The following ACAD11 variants were observed in gnomAD, a reference collection of about 807,000 sequenced individuals.
ACAD11 encodes the protein acyl-CoA dehydrogenase family member 11.
Under a neutral mutation model 102.2 loss-of-function variants are expected in ACAD11, and 83 were observed. The observed-to-expected ratio is 0.81, with a 90% confidence interval of 0.68 to 0.97. The LOEUF is 0.97. Among genes scored for constraint, ACAD11 ranks in the 50% least tolerant of loss-of-function variants. The pLI is 0.00. For synonymous variants in ACAD11, 324 were observed against 319.8 expected (o/e 1.01, Z -0.14); for missense variants, 901 against 951.7 (o/e 0.95, Z 0.70).
intron 9 of ACAD11, among the ~76,000 whole-genome samples, chr3:132,623,132 A>G (rs1299513062): frequency 1.3e-5 from 2 of 152,210 alleles, no homozygotes; most frequent in African/African-American, 4.8e-5. Context: ...ACTTTATAAT[A>G]TTCAAGGAGT....
chr3:132,581,842 C>G (rs889888335), intron 13 of ACAD11, among the ~76,000 whole-genome samples: 1 of 151,972 alleles, frequency 6.6e-6, no homozygotes, highest in African/African-American at 2.4e-5. Context: ...ACTACTTAGG[C>G]CAGCATCAAA....
intron 5 of ACAD11, among the ~76,000 whole-genome samples, chr3:132,633,027 C>A (rs1413989140): frequency 1.3e-5 from 2 of 152,180 alleles, no homozygotes; most frequent in African/African-American, 2.4e-5. Context: ...CAAACAGGGA[C>A]AATTTGACTT....
intron 1 of ACAD11, chr3:132,659,339 A>G: frequency 2.1e-6 from 1 of 474,358 alleles, no homozygotes; most frequent in Non-Finnish European, 3.7e-6. Context: ...TCCTCAAGGG[A>G]CATAAATCCA....
rs1189643660 is a variant in ACAD11, at chr3:132,603,321, T to A, written c.1529A>T (p.Asp510Val). The A allele has an allele frequency of 1.9e-6, 3 of 1,613,640 alleles. No homozygotes were observed. Among genetic ancestry groups the A allele is most frequent in the Non-Finnish European group, 2.5e-6 (3 of 1,179,764 alleles). The change falls in exon 13 of 20, where the codon GAT (aspartate) becomes GTT (valine). Residue 510 changes from aspartate (D) to valine (V), a missense_variant. Coordinates refer to ENST00000264990, the MANE Select transcript of ACAD11 (RefSeq NM_032169.5). ...ITSCFCMTEP[D>V]VASSDATNIE... ...ATTCGTGGCATCACTTGAAGCTACA[T>A]CAGGTTCTATAAATAAACAAAAGCT...
intron 12 of ACAD11, among the ~76,000 whole-genome samples, chr3:132,604,054 C>A (rs908873287): frequency 6.6e-6 from 1 of 152,150 alleles, no homozygotes; most frequent in Non-Finnish European, 1.5e-5. Flanking sequence ...GTAGACAATA[C>A]ATCCTACTGT....
At chr3:132,592,764 T>C (rs1191342335) in intron 13 of ACAD11, among the ~76,000 whole-genome samples, 1 of 152,186 alleles carries the variant, frequency 6.6e-6, no homozygotes, top group Non-Finnish European at 1.5e-5. Flanking sequence ...ACAATTCAAA[T>C]TGGAGTAAGT....
chr3:132,627,885 T>C lies in ACAD11; in HGVS notation c.1070+455A>G, dbSNP rs567681574. Among the ~76,000 whole-genome samples, 74 of 152,168 alleles carry C rather than the reference T, an allele frequency of 4.9e-4. 1 individual carries two copies. The highest frequency in any genetic ancestry group is 6.6e-4 in the Non-Finnish European group (45 of 68,028). On this transcript the variant is annotated intron_variant, in intron 8 of 19. Transcript: ENST00000264990. ...AGCAATGGGAATGAAACTGGCAAAG[T>C]GTGTTCGATGCCTGAAAAAGTGCTC...
At chr3:132,596,318 T>C (rs183683192) in intron 13 of ACAD11, among the ~76,000 whole-genome samples, 92 of 152,210 alleles carry the variant, frequency 6.0e-4, no homozygotes, top group African/African-American at 2.1e-3. Context: ...AAATAACTAA[T>C]GGGTACTAGG....
chr3:132,566,296 C>CAAAAAAAAAAAAAAAAAAAAAAAA (rs371477145), intron 17 of ACAD11, among the ~76,000 whole-genome samples: 1 of 61,890 alleles, frequency 1.6e-5, no homozygotes, highest in Non-Finnish European at 4.0e-5. Context: ...AAAACAAACT[C>CAAAAAAAAAAAAAAAAAAAAAAAA]AAAAAAACAA....
intron 4 of ACAD11, among the ~76,000 whole-genome samples, chr3:132,641,265 C>T (rs1339958980): frequency 1.3e-5 from 2 of 152,034 alleles, no homozygotes; most frequent in South Asian, 2.1e-4. Context: ...AACTGTAAGC[C>T]GGGCATGGTG....
In ACAD11 at chr3:132,655,301, C is replaced by T. The variant is rs187707964; in HGVS notation, c.149+4302G>A. Among the ~76,000 whole-genome samples, 113 of 152,282 alleles carry T rather than the reference C, an allele frequency of 7.4e-4. 1 individual carries two copies. Among genetic ancestry groups the T allele is most frequent in the African/African-American group, 2.6e-3 (108 of 41,562 alleles). ...ACTCTCAACACAAGAAGCAGAGATT[C>T]TGTTTTTTTTGTTGTTGTTGTTTGT... On this transcript the variant is annotated intron_variant, in intron 1 of 19. Transcript: ENST00000264990.
At chr3:132,630,651 A>G (rs1559967556) in intron 6 of ACAD11, 93 bp from the exon 7 acceptor site, 2 of 1,130,544 alleles carry the variant, frequency 1.8e-6, no homozygotes, top group East Asian at 5.0e-5. Flanking sequence ...GTAAAACGGA[A>G]TGTAATAACC....
intron 13 of ACAD11, among the ~76,000 whole-genome samples, chr3:132,583,231 T>C (rs1576559411): frequency 6.6e-6 from 1 of 152,232 alleles, no homozygotes; most frequent in Non-Finnish European, 1.5e-5. Context: ...TTTCAGACCC[T>C]GTTATTGGTC....
intron 9 of ACAD11, among the ~76,000 whole-genome samples, chr3:132,619,932 C>A (rs2107848735): frequency 6.6e-6 from 1 of 152,244 alleles, no homozygotes; most frequent in South Asian, 2.1e-4. Flanking sequence ...AACAAAAAAG[C>A]CTGACTCTTC....
At chr3:132,643,340 G>C (rs1370408353) in intron 2 of ACAD11, among the ~76,000 whole-genome samples, 1 of 152,172 alleles carries the variant, frequency 6.6e-6, no homozygotes, top group Admixed American at 6.5e-5. Flanking sequence ...CTGGCACTCA[G>C]GACTGCTGTG....
At chr3:132,636,238 C>G (rs964177225) in intron 5 of ACAD11, among the ~76,000 whole-genome samples, 15 of 152,122 alleles carry the variant, frequency 9.9e-5, no homozygotes, top group Non-Finnish European at 2.2e-4. Flanking sequence ...CTCAACATAA[C>G]TTTTAGTGGT....
chr3:132,623,831 C>G (rs1042683341), intron 9 of ACAD11, among the ~76,000 whole-genome samples: 1 of 152,138 alleles, frequency 6.6e-6, no homozygotes, highest in Non-Finnish European at 1.5e-5. Context: ...AAGAACAAGC[C>G]TGCCTGGTTT....
At chr3:132,606,248 C>A (rs562892891) in intron 11 of ACAD11, among the ~76,000 whole-genome samples, 21 of 152,312 alleles carry the variant, frequency 1.4e-4, no homozygotes, top group Middle Eastern at 3.4e-3. Context: ...GCACTCTGTT[C>A]AGGCACTCCT....
chr3:132,560,256 G>C (rs1469757950), intron 18 of ACAD11, among the ~76,000 whole-genome samples: 1 of 152,086 alleles, frequency 6.6e-6, no homozygotes, highest in Non-Finnish European at 1.5e-5. Context: ...GGGTCTTTGC[G>C]CTATTAATCA....
Sources: allele counts gnomAD v4.1 joint callset (sites outside exome capture counted in the v4.1 genomes callset), GRCh38; gene constraint gnomAD v4.1.1; transcripts MANE v1.5; gene names NCBI Gene and HGNC (gene_info 2026-07-23, HGNC 2026-07-21).